Variants in PHLDB2 observed in about 807,000 individuals in gnomAD.
The protein encoded by PHLDB2 is pleckstrin homology like domain family B member 2, also known as pleckstrin homology-like domain family B member 2.
In PHLDB2, 71 loss-of-function variants were observed where a neutral mutation model predicts 123.6. That is an observed-to-expected ratio of 0.57 (90% CI 0.47 to 0.70). The LOEUF (loss-of-function observed/expected upper bound fraction) is 0.70, where lower values mean the gene tolerates loss of function less well. Among genes scored for constraint, PHLDB2 ranks in the 30% least tolerant of loss-of-function variants. The pLI, the probability that PHLDB2 is intolerant of heterozygous loss-of-function variation, is 0.00. For synonymous variants in PHLDB2, 547 were observed against 541.6 expected, an observed-to-expected ratio of 1.01 and a Z score of -0.14; for missense variants, 1,446 against 1,519.5, an observed-to-expected ratio of 0.95 and a Z score of 0.80.
In PHLDB2 at chr3:111,859,588, G is replaced by A. The variant is rs1015978732; in HGVS notation, c.-15+12G>A. The A allele has an allele frequency of 8.1e-6, 8 of 985,578 alleles. No homozygotes were observed. The highest frequency in any genetic ancestry group is 4.7e-5 in the South Asian group (1 of 21,292). The allele number at this position is 985,578 out of a possible 1,614,324, so 61.1% of individuals were successfully genotyped here. A position where few individuals can be genotyped will look rare whatever the true frequency, so the allele number is the denominator to read the frequency against. On this transcript the variant is annotated intron_variant, in intron 1 of 17. Coordinates refer to ENST00000431670, the MANE Select transcript of PHLDB2 (RefSeq NM_001134438.2). The stretch of plus-strand genomic sequence containing the variant: ...GCACCAATGGCCAGGTGAGGAGGCG[G>A]CGGTGGTCGCCCGGGAGGAGGGGGT...
Position 111,780,295 on chromosome 3 carries a change from G to GA in PHLDB2, c.-49+47593dup, listed in dbSNP as rs1251844207. The stretch of plus-strand genomic sequence containing the variant: ...AAAAGAAGAAGAAGAAGAAGAAGAA[G>GA]AGGAAGAGGAAGAGGAAGAGGAAGA... On this transcript the variant is annotated intron_variant, in intron 1 of 17. Transcript: ENST00000393923. Among the ~76,000 whole-genome samples, 11 of 1,578 alleles carry GA rather than the reference G, an allele frequency of 7.0e-3. 3 individuals are homozygous for GA. The highest frequency in any genetic ancestry group is 7.9e-3 in the African/African-American group (10 of 1,266). The allele number at this position is 1,578 out of a possible 152,430, so 1.0% of individuals were successfully genotyped here.
intron 2 of PHLDB2, among the ~76,000 whole-genome samples, chr3:111,896,360 C>T (rs71616129): frequency 1.3e-5 from 2 of 148,408 alleles, no homozygotes; most frequent in Non-Finnish European, 3.0e-5. Context: ...CTTCCCCCGC[C>T]CCGAGACGGA....
chr3:111,858,319 G>A (rs191532560), upstream of PHLDB2, among the ~76,000 whole-genome samples: 383 of 152,166 alleles, frequency 2.5e-3, no homozygotes, highest in African/African-American at 9.0e-3. Flanking sequence ...GGGGGACAAG[G>A]GGAGGGAGAG....
At chr3:111,774,045 A>C (rs2060224016) in intron 1 of PHLDB2, among the ~76,000 whole-genome samples, 1 of 152,214 alleles carries the variant, frequency 6.6e-6, no homozygotes, top group African/African-American at 2.4e-5. Flanking sequence ...CACTTAGCTG[A>C]GCTCTATAAA....
At chr3:111,767,492 T>C (rs1025442055) in intron 1 of PHLDB2, among the ~76,000 whole-genome samples, 3 of 152,234 alleles carry the variant, frequency 2.0e-5, no homozygotes, top group African/African-American at 7.2e-5. Context: ...CAGAAGTTTC[T>C]AAAAAATTCC....
chr3:111,854,279 G>A (rs565080560), upstream of PHLDB2, among the ~76,000 whole-genome samples: 2 of 152,292 alleles, frequency 1.3e-5, no homozygotes, highest in African/African-American at 4.8e-5. Flanking sequence ...TGGGGATTAT[G>A]AGAATTACAA....
At chr3:111,806,056 A>T (rs1006883669) in intron 1 of PHLDB2, among the ~76,000 whole-genome samples, 1 of 152,050 alleles carries the variant, frequency 6.6e-6, no homozygotes, top group Non-Finnish European at 1.5e-5. Flanking sequence ...GTTGTTAAAG[A>T]TTCAACAATT....
intron 1 of PHLDB2, among the ~76,000 whole-genome samples, chr3:111,811,684 T>C (rs2061845586): frequency 6.6e-6 from 1 of 152,072 alleles, no homozygotes; most frequent in Non-Finnish European, 1.5e-5. Context: ...GAAATGATGA[T>C]CTTTAAACTC....
At chr3:111,944,484 G>C (rs1447057260) in intron 8 of PHLDB2, among the ~76,000 whole-genome samples, 1 of 151,806 alleles carries the variant, frequency 6.6e-6, no homozygotes, top group Non-Finnish European at 1.5e-5. Flanking sequence ...ATTAATTCAA[G>C]ATGAATCATA....
chr3:111,910,411 C>T (rs1477101312), intron 2 of PHLDB2, among the ~76,000 whole-genome samples: 2 of 152,096 alleles, frequency 1.3e-5, no homozygotes, highest in Non-Finnish European at 2.9e-5. Flanking sequence ...ACACTAGATT[C>T]CTAGTTTGGA....
intron 4 of PHLDB2, among the ~76,000 whole-genome samples, chr3:111,919,461 C>G (rs1237241663): frequency 6.6e-6 from 1 of 152,026 alleles, no homozygotes; most frequent in Non-Finnish European, 1.5e-5. Flanking sequence ...AATCTCCAAC[C>G]AACTTTGTTT....
rs374434402 is a variant in PHLDB2, at chr3:111,904,289, A to G, written c.1336-9030A>G. ...TGAGACCCTGTCTCAAAAAAAAAAA[A>G]GGCCAAGGGTTCTGTGGAGGTAAGA... On this transcript the variant is annotated intron_variant, in intron 2 of 17. Coordinates refer to ENST00000431670, the MANE Select transcript of PHLDB2 (RefSeq NM_001134438.2). 3.3e-3 allele frequency among the ~76,000 whole-genome samples: 496 copies of G among 150,742 alleles called. 18 individuals carry two copies. The highest frequency in any genetic ancestry group is 0.012 in the African/African-American group (476 of 41,134).
At chr3:111,825,901 G>A (rs536409709) in intron 1 of PHLDB2, among the ~76,000 whole-genome samples, 1 of 152,038 alleles carries the variant, frequency 6.6e-6, no homozygotes, top group South Asian at 2.1e-4. Flanking sequence ...GTTGTTCTGT[G>A]GTTATTTTAA....
chr3:111,800,083 C>T (rs2061323438), intron 1 of PHLDB2, among the ~76,000 whole-genome samples: 1 of 152,124 alleles, frequency 6.6e-6, no homozygotes, highest in South Asian at 2.1e-4. Context: ...CGGCTCACTG[C>T]AGACTCAACC....
At chr3:111,757,823 ACAGACCT>A (rs1217919638) in intron 1 of PHLDB2, among the ~76,000 whole-genome samples, 1 of 152,226 alleles carries the variant, frequency 6.6e-6, no homozygotes, top group African/African-American at 2.4e-5. Flanking sequence ...AGGTCTAACA[ACAGACCT>A]CAGCTGCAGG....
At chr3:111,784,229 A>T (rs1187496129) in intron 1 of PHLDB2, among the ~76,000 whole-genome samples, 1 of 152,168 alleles carries the variant, frequency 6.6e-6, no homozygotes, top group Non-Finnish European at 1.5e-5. Context: ...TCTCTTAATA[A>T]AGTATTATAT....
intron 1 of PHLDB2, among the ~76,000 whole-genome samples, chr3:111,831,544 C>G (rs1276012685): frequency 1.3e-5 from 2 of 152,102 alleles, no homozygotes; most frequent in Non-Finnish European, 2.9e-5. Flanking sequence ...CTACAACATA[C>G]CACTATAATA....
Position 111,974,406 on chromosome 3 carries a change from C to A in PHLDB2, c.3622-17C>A, listed in dbSNP as rs778583506. The A allele has an allele frequency of 2.5e-6, 4 of 1,568,780 alleles. No individual in the cohort carries two copies. The South Asian group carries it at 3.5e-5, about 14-fold the overall frequency. ...AAGATGTTTATTTTACATTCTTTTT[C>A]CTTTTTTGAATTTTAGAGTCCTAAT... On this transcript the variant is annotated splice_polypyrimidine_tract_variant and intron_variant, in intron 17 of 17. Transcript: ENST00000431670.
In PHLDB2 at chr3:111,884,643, GC is replaced by G; in HGVS notation, c.569del (p.Pro190ArgfsTer22). ...MWNGSSLSDA[G>X]PPPISRSGAA... The stretch of plus-strand genomic sequence containing the variant: ...AATGGAAGTTCCCTGAGTGATGCTG[GC>G]CCGCCTCCTATCAGCAGATCGGGAG... On this transcript the variant is annotated frameshift_variant, in exon 2 of 18. Coordinates refer to ENST00000431670, the MANE Select transcript of PHLDB2 (RefSeq NM_001134438.2). LOFTEE classifies it high-confidence loss of function. 2 of 1,614,142 alleles carry G rather than the reference GC, an allele frequency of 1.2e-6. No individual in the cohort carries two copies. The highest frequency in any genetic ancestry group is 1.7e-6 in the Non-Finnish European group (2 of 1,180,024).
Sources: gnomAD v4.1 joint callset for allele counts (sites outside exome capture counted in the v4.1 genomes callset) on GRCh38, gnomAD v4.1.1 for gene constraint, MANE v1.5 for transcripts, NCBI Gene and HGNC (gene_info 2026-07-23, HGNC 2026-07-21) for gene names.